Variants in FAM171A1 observed in about 807,000 individuals in gnomAD.
FAM171A1 encodes the protein protein FAM171A1.
Under a neutral mutation model 74.9 loss-of-function variants are expected in FAM171A1, and 23 were observed. The observed-to-expected ratio is 0.31, with a 90% CI of 0.22 to 0.44. FAM171A1 has a LOEUF of 0.44. FAM171A1 is among the 20% of genes least tolerant of loss of function. The pLI is 1.00. For synonymous variants in FAM171A1, 527 were observed against 505.7 expected, an observed-to-expected ratio of 1.04 and a Z score of -0.57; for missense variants, 1,162 against 1,159.2, an observed-to-expected ratio of 1.00 and a Z score of -0.03.
At chr10:15,283,155 T>C (rs574789459) in intron 2 of FAM171A1, among the ~76,000 whole-genome samples, 1 of 150,900 alleles carries the variant, frequency 6.6e-6, no homozygotes, top group East Asian at 1.9e-4. Flanking sequence ...AGGGAGGGAG[T>C]GAGGGAGGAG....
chr10:15,256,694 T>C (rs1034934653), intron 3 of FAM171A1, among the ~76,000 whole-genome samples: 2 of 152,182 alleles, frequency 1.3e-5, no homozygotes, highest in African/African-American at 4.8e-5. Flanking sequence ...CTGGTCTTAT[T>C]TTCCCTCGAT....
intron 1 of FAM171A1, among the ~76,000 whole-genome samples, chr10:15,306,165 A>G (rs529574246): frequency 6.6e-6 from 1 of 152,330 alleles, no homozygotes; most frequent in East Asian, 1.9e-4. Flanking sequence ...TCAGATGTGC[A>G]TTTACCTGAA....
chr10:15,366,965 G>A (rs1443582315), intron 1 of FAM171A1, among the ~76,000 whole-genome samples: 1 of 152,176 alleles, frequency 6.6e-6, no homozygotes, highest in Non-Finnish European at 1.5e-5. Flanking sequence ...TTGGGAGGCT[G>A]AGGCAGGCGG....
chr10:15,248,730 A>G lies in FAM171A1; in HGVS notation c.663T>C (p.Asp221=). The G allele has an allele frequency of 1.9e-6, 3 of 1,613,940 alleles. No homozygotes were observed. The highest frequency in any genetic ancestry group is 2.5e-6 in the Non-Finnish European group (3 of 1,179,896). The change falls in exon 5 of 8, where the codon GAT becomes GAC. Residue 221 remains aspartate (D), a synonymous_variant. Coordinates refer to ENST00000378116, the MANE Select transcript of FAM171A1 (RefSeq NM_001010924.2). ...GGGGCACAGTGACATAGATGGGACC[A>G]TCCACCAGCACCGGCGTTCCATTAC... ...LSSNGTPVLV[D]GPIYVTVPLA... is the part of the protein sequence containing the mutation.
At chr10:15,228,446 G>A (rs192678514) in intron 5 of FAM171A1, among the ~76,000 whole-genome samples, 10 of 150,678 alleles carry the variant, frequency 6.6e-5, no homozygotes, top group African/African-American at 2.0e-4. Flanking sequence ...GGGCTCAAGC[G>A]ATCCTCCCAC....
At chr10:15,304,137 A>T (rs1416770079) in intron 1 of FAM171A1, among the ~76,000 whole-genome samples, 2 of 152,184 alleles carry the variant, frequency 1.3e-5, no homozygotes, top group East Asian at 3.8e-4. Context: ...ATAATCCTCA[A>T]CCCTTCATTC....
chr10:15,298,094 C>T (rs1334190114), intron 1 of FAM171A1, among the ~76,000 whole-genome samples: 2 of 152,090 alleles, frequency 1.3e-5, no homozygotes, highest in Non-Finnish European at 2.9e-5. Context: ...ATGAGATATA[C>T]ATTTGACAGC....
chr10:15,285,261 G>T (rs1276279741), intron 1 of FAM171A1, among the ~76,000 whole-genome samples: 1 of 152,206 alleles, frequency 6.6e-6, no homozygotes, highest in African/African-American at 2.4e-5. Flanking sequence ...TCTGAAAGCT[G>T]GATGGAGAGC....
chr10:15,368,978 T>C (rs1836099640), intron 1 of FAM171A1, among the ~76,000 whole-genome samples: 2 of 152,154 alleles, frequency 1.3e-5, no homozygotes, highest in Non-Finnish European at 2.9e-5. Flanking sequence ...AAAGCCATCC[T>C]TACAGTAGAT....
In FAM171A1 at chr10:15,216,089, A is replaced by T; in HGVS notation, c.893T>A (p.Ile298Asn). ...PIPGPVVTQDITTYHTVFLLA... is the reference protein window; with the variant it reads ...PIPGPVVTQDNTTYHTVFLLA... The stretch of plus-strand genomic sequence containing the variant: ...AAGAAACACCGTGTGATACGTGGTA[A>T]TGTCCTGTGTTACAACGGGACCTAG... The change falls in exon 7 of 8, where the codon ATT (isoleucine) becomes AAT (asparagine). Residue 298 changes from isoleucine (I) to asparagine (N), a missense_variant. Transcript: ENST00000378116. 6.2e-7 allele frequency: 1 copy of T among 1,604,952 alleles called. No individual in the cohort carries two copies. Among genetic ancestry groups the T allele is most frequent in the Non-Finnish European group, 8.5e-7 (1 of 1,178,094 alleles).
upstream of FAM171A1, among the ~76,000 whole-genome samples, chr10:15,372,082 C>T (rs1395071102): frequency 6.6e-6 from 1 of 152,102 alleles, no homozygotes; most frequent in Non-Finnish European, 1.5e-5. Flanking sequence ...GGAAGCTGAT[C>T]AGATATCCAG....
At chr10:15,360,853 T>C (rs1028010455) in intron 1 of FAM171A1, among the ~76,000 whole-genome samples, 2 of 152,226 alleles carry the variant, frequency 1.3e-5, no homozygotes, top group African/African-American at 2.4e-5. Flanking sequence ...CTGGCGGTTC[T>C]GGTAGCCAAG....
At chr10:15,254,251 A>C (rs1195822843) in intron 4 of FAM171A1, among the ~76,000 whole-genome samples, 1 of 152,048 alleles carries the variant, frequency 6.6e-6, no homozygotes, top group African/African-American at 2.4e-5. Flanking sequence ...TGGACCAAGC[A>C]CCACCTCTTC....
intron 3 of FAM171A1, among the ~76,000 whole-genome samples, chr10:15,269,007 A>G (rs1834785889): frequency 6.6e-6 from 1 of 151,620 alleles, no homozygotes; most frequent in African/African-American, 2.4e-5. Context: ...ACGCCACTGC[A>G]CTCCAGCCTG....
In FAM171A1 at chr10:15,345,027, G is replaced by A. The variant is rs145105736; in HGVS notation, c.97+25929C>T. ...TCAACTCACACCTTGCGTCATACACGCACAAAACTTCAGCTATCTGTAGAA... is the reference window on the plus strand; with the variant it reads ...TCAACTCACACCTTGCGTCATACACACACAAAACTTCAGCTATCTGTAGAA... On this transcript the variant is annotated intron_variant, in intron 1 of 7. Transcript: ENST00000378116. Among the ~76,000 whole-genome samples, 1,050 of 152,266 alleles carry A rather than the reference G, an allele frequency of 6.9e-3. 10 individuals are homozygous for A. Among genetic ancestry groups the A allele is most frequent in the African/African-American group, 0.023 (970 of 41,542 alleles).
chr10:15,278,671 A>G (rs1834927112), intron 2 of FAM171A1, among the ~76,000 whole-genome samples: 1 of 152,202 alleles, frequency 6.6e-6, no homozygotes, highest in African/African-American at 2.4e-5. Flanking sequence ...GTATTCCAAG[A>G]TTCCAGTTCT....
chr10:15,251,402 ATT>A (rs1258921347), intron 4 of FAM171A1, among the ~76,000 whole-genome samples: 32 of 132,422 alleles, frequency 2.4e-4, no homozygotes, highest in Admixed American at 2.3e-4. Flanking sequence ...TTCTGCAACG[ATT>A]TTTTTTTTTT....
intron 3 of FAM171A1, among the ~76,000 whole-genome samples, chr10:15,265,837 G>C (rs1834733318): frequency 6.6e-6 from 1 of 152,128 alleles, no homozygotes; most frequent in African/African-American, 2.4e-5. Context: ...GGTAGGAAAG[G>C]GGGGTATCAT....
At chr10:15,223,206 G>A (rs921806363) in intron 5 of FAM171A1, among the ~76,000 whole-genome samples, 18 of 152,118 alleles carry the variant, frequency 1.2e-4, no homozygotes, top group Non-Finnish European at 2.2e-4. Context: ...TAAGAAAAAG[G>A]TTTTCTCTGA....
Sources: allele counts gnomAD v4.1 joint callset (sites outside exome capture counted in the v4.1 genomes callset), GRCh38; gene constraint gnomAD v4.1.1; transcripts MANE v1.5; gene names NCBI Gene and HGNC (gene_info 2026-07-23, HGNC 2026-07-21).